Variants in KRT28 observed in about 807,000 individuals in gnomAD.
The protein encoded by KRT28 is keratin, type I cytoskeletal 28.
In KRT28, 45 loss-of-function variants were observed where a neutral mutation model predicts 48.1. The observed-to-expected ratio is 0.94, with a 90% CI of 0.74 to 1.20. KRT28 has a LOEUF of 1.20. Ranked by LOEUF, KRT28 falls within the 50% of genes most tolerant of loss-of-function variation. The probability of loss-of-function intolerance (pLI) is 0.00; values close to 1 mark genes in which losing one functional copy is unlikely to be tolerated. For synonymous variants in KRT28, 228 were observed against 227.4 expected (o/e 1.00, Z -0.03); for missense variants, 571 against 574.1 (o/e 0.99, Z 0.06).
rs1383539854 is a variant in KRT28 at position 40,792,461 on chromosome 17, G to A, written c.1361C>T (p.Thr454Ile). The A allele has an allele frequency of 6.2e-7, 1 of 1,613,196 alleles. No individual in the cohort carries two copies. Among genetic ancestry groups the A allele is most frequent in the South Asian group, 1.1e-5 (1 of 90,904 alleles). The stretch of plus-strand genomic sequence containing the variant: ...AACCCTTTGTTCTGTCTTGCCGTTG[G>A]TCATTTTAGATGTCTTTTCTTCAAT... ...HSIEEKTSKM[T>I]NGKTEQRVPF The change falls in exon 8 of 8, where the codon ACC (threonine) becomes ATC (isoleucine). Residue 454 changes from threonine to isoleucine, a missense_variant. Coordinates refer to ENST00000306658, the MANE Select transcript of KRT28 (RefSeq NM_181535.3).
intron 3 of KRT28, 86 bp from the exon 4 acceptor site, chr17:40,797,367 C>A: frequency 7.3e-7 from 1 of 1,368,458 alleles, no homozygotes; most frequent in Non-Finnish European, 1.0e-6. Flanking sequence ...CTTTATGTCT[C>A]AAAGTTTGCG....
chr17:40,794,018 T>C lies in KRT28; in HGVS notation c.1007A>G (p.Glu336Gly). The change falls in exon 6 of 8, where the codon GAG becomes GGG. Residue 336 changes from glutamate (E) to glycine (G), a missense_variant. Physicochemically the swap from Glu to Gly is moderately conservative, Grantham distance 98. Coordinates refer to ENST00000306658, the MANE Select transcript of KRT28 (RefSeq NM_181535.3). The stretch of plus-strand genomic sequence containing the variant: ...CTGCGTACAGTAGTTGCTCTCGGTC[T>C]CTGTCAAGGAGCACTCCAGGGAGTG... ...TKHSLECSLT[E>G]TESNYCTQLA... is the part of the protein sequence containing the mutation. 1.2e-6 allele frequency: 2 copies of C among 1,613,928 alleles called. No individual in the cohort carries two copies. The highest frequency in any genetic ancestry group is 1.7e-6 in the Non-Finnish European group (2 of 1,179,866).
chr17:40,795,302 C>T (rs914041338), intron 5 of KRT28, among the ~76,000 whole-genome samples: 9 of 152,004 alleles, frequency 5.9e-5, no homozygotes, highest in Non-Finnish European at 1.0e-4. Context: ...TGCTCGGCAG[C>T]TCAAAACTTT....
chr17:40,798,880 A>G (rs1567692788), intron 2 of KRT28, 37 bp downstream of exon 2: 1 of 1,341,258 alleles, frequency 7.5e-7, no homozygotes, highest in Admixed American at 1.9e-5. Context: ...ATAAATAGAA[A>G]CTTTTTTCTA....
At position 40,792,320 on chromosome 17, in the gene KRT28, A is replaced by T; in HGVS notation, c.*107T>A. 1.2e-6 allele frequency: 1 copy of T among 849,052 alleles called. No homozygotes were observed. The highest frequency in any genetic ancestry group is 3.6e-4 in the Middle Eastern group (1 of 2,770). 52.6% of individuals were successfully genotyped at this position (849,052 alleles called of 1,614,324 possible). A position where few individuals can be genotyped will look rare whatever the true frequency, so the allele number is the denominator to read the frequency against. ...ACTAAGAAAACAGGTATTTTTGCTA[A>T]GTAATGTATCTTTAAAAGTAAAAAG... On this transcript the variant is annotated 3_prime_UTR_variant, in exon 8 of 8. Transcript: ENST00000306658.
At chr17:40,796,159 C>T (rs886940190) in intron 5 of KRT28, among the ~76,000 whole-genome samples, 8 of 152,356 alleles carry the variant, frequency 5.3e-5, no homozygotes, top group Admixed American at 6.5e-5. Flanking sequence ...TGTGTTACAA[C>T]CTGGTGTCCT....
At position 40,798,179 on chromosome 17, in the gene KRT28, C is replaced by T; in HGVS notation, c.690+56G>A. ...TTGTGATTTTAACCCCCAACCCCTGCCCAGTATTTAAAATGTACAGAGTTG... is the reference window on the plus strand; with the variant it reads ...TTGTGATTTTAACCCCCAACCCCTGTCCAGTATTTAAAATGTACAGAGTTG... On this transcript the variant is annotated intron_variant, in intron 3 of 7. Transcript: ENST00000306658. The T allele has an allele frequency of 2.6e-6, 4 of 1,515,854 alleles. No individual in the cohort carries two copies. In the South Asian group the frequency reaches 3.6e-5, roughly 14 times the overall value. The allele number at this position is 1,515,854 out of a possible 1,614,324, so 93.9% of individuals were successfully genotyped here. A position where few individuals can be genotyped will look rare whatever the true frequency, so the allele number is the denominator to read the frequency against.
intron 5 of KRT28, among the ~76,000 whole-genome samples, chr17:40,796,278 A>G (rs1257440073): frequency 6.6e-6 from 1 of 152,214 alleles, no homozygotes; most frequent in Non-Finnish European, 1.5e-5. Flanking sequence ...CTAGAAGGGA[A>G]GCCATTTTTA....
At position 40,797,271 on chromosome 17, in the gene KRT28, G is replaced by A. The variant is rs865856643; in HGVS notation, c.701C>T (p.Ala234Val). 1.2e-6 allele frequency: 2 copies of A among 1,613,384 alleles called. No homozygotes were observed. The highest frequency in any genetic ancestry group is 1.7e-6 in the Non-Finnish European group (2 of 1,179,602). ...LKKNHEEEMK[A>V]LQCAAGGNVN... ...GTTGCCCCCAGCCGCGCACTGCAGAGCCTTCATCTCCTGGAGAGAAGCAAG... is the reference window on the plus strand; with the variant it reads ...GTTGCCCCCAGCCGCGCACTGCAGAACCTTCATCTCCTGGAGAGAAGCAAG... Residue 234 changes from alanine to valine, a missense_variant, in exon 4 of 8, where the codon GCT becomes GTT. Physicochemically the swap from Ala to Val is moderately conservative, Grantham distance 64. Coordinates refer to ENST00000306658, the MANE Select transcript of KRT28 (RefSeq NM_181535.3).
At chr17:40,797,325 A>C (rs1567691666) in intron 3 of KRT28, 44 bp from the exon 4 acceptor site, 1 of 1,576,640 alleles carries the variant, frequency 6.3e-7, no homozygotes, top group Non-Finnish European at 8.6e-7. Context: ...TTGCAGGTTC[A>C]CACTCAGTCT....
chr17:40,798,163 T>G (rs555699258), intron 3 of KRT28, 72 bp downstream of exon 3: 275 of 1,447,148 alleles, frequency 1.9e-4, no homozygotes, highest in Non-Finnish European at 2.5e-4. Flanking sequence ...ATTGTGATTT[T>G]AACCCCCAAC....
rs1424698240 is a variant in KRT28, at chr17:40,797,249, G to A, written c.723C>T (p.Gly241=). 1 of 1,614,062 alleles carries A rather than the reference G, an allele frequency of 6.2e-7. No homozygotes were observed. The highest frequency in any genetic ancestry group is 1.3e-5 in the African/African-American group (1 of 75,018). Residue 241 remains glycine (G), a synonymous_variant, in exon 4 of 8, where the codon GGC becomes GGT. Coordinates refer to ENST00000306658, the MANE Select transcript of KRT28 (RefSeq NM_181535.3). ...CCGCGTTCATCTCCACGTTCACGTT[G>A]CCCCCAGCCGCGCACTGCAGAGCCT... is the stretch of plus-strand genomic sequence containing the variant. The part of the protein sequence containing the change: ...EMKALQCAAG[G]NVNVEMNAAP...
intron 1 of KRT28, 38 bp from the exon 2 acceptor site, chr17:40,799,037 A>G (rs1423764731): frequency 1.4e-5 from 16 of 1,179,242 alleles, no homozygotes; most frequent in Non-Finnish European, 1.7e-5. Flanking sequence ...ACAAGTAAGT[A>G]TGCTTTTATG....
At position 40,793,084 on chromosome 17, in the gene KRT28, A is replaced by G. The variant is rs1038018948; in HGVS notation, c.1252+71T>C. 1.6e-5 allele frequency: 16 copies of G among 1,003,722 alleles called. No homozygotes were observed. In the South Asian group the frequency reaches 2.4e-4, roughly 15 times the overall value. 62.2% of individuals were successfully genotyped at this position (1,003,722 alleles called of 1,614,324 possible). On this transcript the variant is annotated intron_variant, in intron 7 of 7. Transcript: ENST00000306658. ...CATTGCATTCCAGCCTGGGCAACAG[A>G]GCGAGACTCTGTCTCAAAAAAATTT... is the stretch of plus-strand genomic sequence containing the variant.
intron 5 of KRT28, among the ~76,000 whole-genome samples, chr17:40,795,890 A>G (rs1222818304): frequency 2.0e-5 from 3 of 152,118 alleles, no homozygotes; most frequent in Non-Finnish European, 4.4e-5. Context: ...TGGAGAAGAA[A>G]GGAAGGTTCC....
chr17:40,792,529 C>G lies in KRT28; in HGVS notation c.1293G>C (p.Glu431Asp), dbSNP rs1325842449. Residue 431 changes from glutamate to aspartate, a missense_variant, in exon 8 of 8, where the codon GAG becomes GAC. Transcript: ENST00000306658. ...AAAGAACTTTACCACGTTGATCTAG[C>G]TCTTCAACCACTGTCTTTACCAGTG... ...KTTLVKTVVE[E>D]LDQRGKVLSS... 1.2e-6 allele frequency: 2 copies of G among 1,613,116 alleles called. No individual in the cohort carries two copies. Among genetic ancestry groups the G allele is most frequent in the Non-Finnish European group, 1.7e-6 (2 of 1,179,596 alleles).
In KRT28 at chr17:40,798,817, G is replaced by A. The variant is rs560846288; in HGVS notation, c.533+100C>T. The A allele has an allele frequency of 7.8e-5, 58 of 743,278 alleles. No homozygotes were observed. In the African/African-American group the frequency reaches 9.9e-4, roughly 13 times the overall value. 46.0% of individuals were successfully genotyped at this position (743,278 alleles called of 1,614,324 possible). ...ATCCTTTGCTTCCTTTTATCTTTTA[G>A]GTGATAGTTCATTCTACTTGGGATG... is the stretch of plus-strand genomic sequence containing the variant. On this transcript the variant is annotated intron_variant, in intron 2 of 7. Coordinates refer to ENST00000306658, the MANE Select transcript of KRT28 (RefSeq NM_181535.3).
chr17:40,798,961 C>T lies in KRT28; in HGVS notation c.489G>A (p.Leu163=), dbSNP rs1471863119. The change falls in exon 2 of 8, where the codon CTG becomes CTA. Residue 163 remains leucine (L), a synonymous_variant. Coordinates refer to ENST00000306658, the MANE Select transcript of KRT28 (RefSeq NM_181535.3). ...CAGCCAGTCTGGCATTATCAATCTGCAGAATGACATTAGCATTAGTAGTAG... is the reference window on the plus strand; with the variant it reads ...CAGCCAGTCTGGCATTATCAATCTGTAGAATGACATTAGCATTAGTAGTAG... ...SSTTTNANVI[L]QIDNARLAAD... 2.1e-5 allele frequency: 34 copies of T among 1,608,014 alleles called. No homozygotes were observed. The highest frequency in any genetic ancestry group is 4.2e-6 in the Non-Finnish European group (5 of 1,177,000).
chr17:40,796,819 A>C, intron 5 of KRT28, 97 bp downstream of exon 5: 1 of 1,444,836 alleles, frequency 6.9e-7, no homozygotes, highest in Non-Finnish European at 9.2e-7. Flanking sequence ...TTTGCAGGCA[A>C]AGGTATAATA....
Sources: allele counts gnomAD v4.1 joint callset (sites outside exome capture counted in the v4.1 genomes callset), GRCh38; gene constraint gnomAD v4.1.1; transcripts MANE v1.5; gene names NCBI Gene and HGNC (gene_info 2026-07-23, HGNC 2026-07-21).